The following DOCK8 variants were observed in gnomAD, a reference collection of about 807,000 sequenced individuals.
DOCK8 encodes the protein dedicator of cytokinesis protein 8.
Under a neutral mutation model 245.6 loss-of-function variants are expected in DOCK8, and 141 were observed. The ratio of observed to expected loss-of-function variants is 0.57; its 90% CI spans 0.50 to 0.66. The LOEUF (loss-of-function observed/expected upper bound fraction) is 0.66, where lower values mean the gene tolerates loss of function less well. Ranked by LOEUF, DOCK8 falls within the 30% of genes least tolerant of loss-of-function variation. DOCK8 has a pLI of 0.00. For missense variants in DOCK8, 2,965 were observed against 2,603.4 expected (o/e 1.14, Z -3.02); for synonymous variants, 1,168 against 970.2 (o/e 1.20, Z -3.79).
intron 1 of DOCK8, among the ~76,000 whole-genome samples, chr9:235,673 G>T (rs968036091): frequency 2.0e-4 from 30 of 152,314 alleles, no homozygotes; most frequent in Admixed American, 1.5e-3. Flanking sequence ...AGCAATGAGC[G>T]AGAGTCCATG....
At chr9:248,524 CCTCT>C (rs760729221) in intron 1 of DOCK8, among the ~76,000 whole-genome samples, 6 of 149,832 alleles carry the variant, frequency 4.0e-5, no homozygotes, top group Non-Finnish European at 5.9e-5. Context: ...TCCTTCCCTC[CCTCT>C]CTCTCTTTCT....
chr9:241,961 A>T (rs1181994247), intron 1 of DOCK8, among the ~76,000 whole-genome samples: 3 of 152,288 alleles, frequency 2.0e-5, no homozygotes, highest in Middle Eastern at 6.8e-3. Context: ...TTCAGGCAAA[A>T]TTAGGTATCA....
At chr9:235,789 G>A (rs1057126208) in intron 1 of DOCK8, among the ~76,000 whole-genome samples, 5 of 152,096 alleles carry the variant, frequency 3.3e-5, no homozygotes, top group Non-Finnish European at 7.4e-5. Context: ...CCGATTTTCC[G>A]GGTGCCGTCT....
At chr9:453,796 A>G (rs2057540294) in intron 46 of DOCK8, among the ~76,000 whole-genome samples, 1 of 152,122 alleles carries the variant, frequency 6.6e-6, no homozygotes, top group African/African-American at 2.4e-5. Context: ...TCCTGGGCTC[A>G]GAGATTGGGG....
At chr9:420,333 T>C in intron 30 of DOCK8, 68 bp from the exon 31 acceptor site, 2 of 1,567,694 alleles carry the variant, frequency 1.3e-6, no homozygotes, top group Non-Finnish European at 1.8e-6. Context: ...GCTTGACTGT[T>C]AAGCCTCAAA....
intron 5 of DOCK8, among the ~76,000 whole-genome samples, chr9:310,549 C>A (rs1563907625): frequency 6.6e-6 from 1 of 152,186 alleles, no homozygotes; most frequent in African/African-American, 2.4e-5. Flanking sequence ...ACCTCCACCT[C>A]CCGGGTTCAA....
chr9:278,922 A>G (rs1007738079), intron 2 of DOCK8, among the ~76,000 whole-genome samples: 2 of 152,148 alleles, frequency 1.3e-5, no homozygotes, highest in Non-Finnish European at 2.9e-5. Flanking sequence ...TTGACTTTTT[A>G]TGAGGATCAC....
chr9:266,322 G>A (rs992679975), intron 1 of DOCK8, among the ~76,000 whole-genome samples: 2 of 151,960 alleles, frequency 1.3e-5, no homozygotes, highest in African/African-American at 4.8e-5. Flanking sequence ...GGCTTCCCAG[G>A]AACAGCAACA....
rs1305151940 is a variant in DOCK8, at chr9:396,945, T to TTTACTC, written c.3120+14_3120+19dup. Reference sequence around the variant, plus strand: ...GTAAAACCACAGAAGGTAACTGTATTTTACTCTTTATTTTCTAAATTGTTT... The same window carrying TTTACTC: ...GTAAAACCACAGAAGGTAACTGTATTTTACTCTTACTCTTTATTTTCTAAATTGTTT... On this transcript the variant is annotated intron_variant, in intron 25 of 47. Coordinates refer to ENST00000432829, the MANE Select transcript of DOCK8 (RefSeq NM_203447.4). 9.3e-6 allele frequency: 15 copies of TTTACTC among 1,612,958 alleles called. No individual in the cohort carries two copies. Among genetic ancestry groups the TTTACTC allele is most frequent in the Middle Eastern group, 1.6e-4 (1 of 6,084 alleles).
At chr9:283,584 G>C (rs1360212959) in intron 2 of DOCK8, among the ~76,000 whole-genome samples, 1 of 151,998 alleles carries the variant, frequency 6.6e-6, no homozygotes, top group African/African-American at 2.4e-5. Flanking sequence ...TTCATGTCTA[G>C]CATTCTGTGT....
At chr9:350,439 T>C (rs1175688459) in intron 14 of DOCK8, among the ~76,000 whole-genome samples, 1 of 152,230 alleles carries the variant, frequency 6.6e-6, no homozygotes, top group African/African-American at 2.4e-5. Context: ...TTACAATACT[T>C]TTAACTTAAT....
chr9:267,989 T>C (rs2048073679), intron 1 of DOCK8: 1 of 152,238 alleles, frequency 6.6e-6, no homozygotes, highest in Non-Finnish European at 1.5e-5. Context: ...ACAGTATTAC[T>C]TTCCAGACAC....
intron 4 of DOCK8, among the ~76,000 whole-genome samples, chr9:302,634 G>A (rs146450591): frequency 0.01 from 1,575 of 152,162 alleles, 22 homozygotes; most frequent in African/African-American, 0.033. Flanking sequence ...AATCTATAAG[G>A]AACTTAGATA....
At chr9:214,409 C>A, upstream of DOCK8, 1 of 1,233,900 alleles carries the variant, frequency 8.1e-7, no homozygotes, top group Non-Finnish European at 1.1e-6. Flanking sequence ...ATATTGCTTG[C>A]AAAAGTTGAT....
rs1437211477 is a variant in DOCK8 at position 421,053 on chromosome 9, G to A, written c.4128G>A (p.Gly1376=). Residue 1376 remains glycine (G), a synonymous_variant, in exon 32 of 48, where the codon GGG becomes GGA. Transcript: ENST00000432829. ...TGCTCCGTGGGGAAGGGGCCAGAGG[G>A]GAGATGATGCGCCGCCGGGCTCCAG... ...EALLRGEGAR[G]EMMRRRAPGN... 1 of 1,614,192 alleles carries A rather than the reference G, an allele frequency of 6.2e-7. No individual in the cohort carries two copies. Among genetic ancestry groups the A allele is most frequent in the Non-Finnish European group, 8.5e-7 (1 of 1,180,038 alleles).
chr9:266,044 A>G (rs1244510286), intron 1 of DOCK8, among the ~76,000 whole-genome samples: 1 of 152,182 alleles, frequency 6.6e-6, no homozygotes, highest in East Asian at 1.9e-4. Context: ...TGAGAATGAG[A>G]AAAACTGATG....
At chr9:444,335 A>AAATAAT (rs139606153) in intron 43 of DOCK8, among the ~76,000 whole-genome samples, 2,708 of 143,610 alleles carry the variant, frequency 0.019, 51 homozygotes, top group African/African-American at 0.048. Flanking sequence ...AAAACAAAGC[A>AAATAAT]AATAATAATA....
intron 1 of DOCK8, among the ~76,000 whole-genome samples, chr9:258,616 G>C (rs1200882570): frequency 2.4e-5 from 1 of 42,434 alleles, no homozygotes; most frequent in East Asian, 5.7e-4. Flanking sequence ...TTTTTTTTTT[G>C]AGATGGAGTC....
chr9:296,635 A>G (rs755150299), intron 4 of DOCK8, among the ~76,000 whole-genome samples: 1 of 152,234 alleles, frequency 6.6e-6, no homozygotes, highest in Non-Finnish European at 1.5e-5. Flanking sequence ...CATATAATTC[A>G]GTTACTCCCA....
Sources: allele counts gnomAD v4.1 joint callset (sites outside exome capture counted in the v4.1 genomes callset), GRCh38; gene constraint gnomAD v4.1.1; transcripts MANE v1.5; gene names NCBI Gene and HGNC (gene_info 2026-07-23, HGNC 2026-07-21).